SHANK2: variants seen among roughly 807,000 people sequenced by gnomAD.
SHANK2 encodes SH3 and multiple ankyrin repeat domains 2, also known as SH3 and multiple ankyrin repeat domains protein 2.
SHANK2 carries 43 observed loss-of-function variants against 133.7 expected under a neutral mutation model. The ratio of observed to expected loss-of-function variants is 0.32; its 90% CI spans 0.25 to 0.41. The LOEUF is 0.41. Among genes scored for constraint, SHANK2 ranks in the 10% least tolerant of loss-of-function variants. SHANK2 has a pLI of 1.00. For synonymous variants in SHANK2, 1,017 were observed against 952.8 expected (o/e 1.07, Z -1.24); for missense variants, 1,994 against 2,235.8 (o/e 0.89, Z 2.18).
At chr11:70,922,154 T>C (rs1950361147) in intron 10 of SHANK2, among the ~76,000 whole-genome samples, 1 of 152,144 alleles carries the variant, frequency 6.6e-6, no homozygotes, top group Non-Finnish European at 1.5e-5. Context: ...ACCTCAAAGG[T>C]AGGCTTAAGA....
chr11:70,609,286 G>A (rs1322452829), intron 17 of SHANK2, among the ~76,000 whole-genome samples: 6 of 152,238 alleles, frequency 3.9e-5, no homozygotes, highest in Admixed American at 1.3e-4. Context: ...GAAAGAGGAA[G>A]AATCCGAGGA....
At chr11:70,888,280 G>A (rs1162879916) in intron 11 of SHANK2, among the ~76,000 whole-genome samples, 4 of 152,128 alleles carry the variant, frequency 2.6e-5, no homozygotes, top group African/African-American at 9.7e-5. Flanking sequence ...ATCTAAAGCA[G>A]AAATCCAGAA....
chr11:71,218,261 C>CTTTT (rs71049964), intron 2 of SHANK2, among the ~76,000 whole-genome samples: 11 of 72,472 alleles, frequency 1.5e-4, no homozygotes, highest in South Asian at 5.1e-4. Context: ...TTTTCTTTTT[C>CTTTT]TTTTTTTTTT....
chr11:70,656,788 A>G (rs2061411299), intron 17 of SHANK2, among the ~76,000 whole-genome samples: 1 of 152,210 alleles, frequency 6.6e-6, no homozygotes, highest in Non-Finnish European at 1.5e-5. Flanking sequence ...GAGATAGCTC[A>G]AAGCCTTTGA....
chr11:71,168,560 C>T (rs994033490), intron 2 of SHANK2, among the ~76,000 whole-genome samples: 3 of 152,108 alleles, frequency 2.0e-5, no homozygotes, highest in African/African-American at 4.8e-5. Context: ...AACGAGACTC[C>T]GTCTGCAATC....
At chr11:70,855,143 G>C (rs1949150077) in intron 11 of SHANK2, among the ~76,000 whole-genome samples, 1 of 152,216 alleles carries the variant, frequency 6.6e-6, no homozygotes, top group Non-Finnish European at 1.5e-5. Context: ...AGCAGGCTCG[G>C]CTGCCCCTCA....
At chr11:70,775,127 C>G (rs1555043650) in intron 14 of SHANK2, among the ~76,000 whole-genome samples, 1 of 151,890 alleles carries the variant, frequency 6.6e-6, no homozygotes, top group African/African-American at 2.4e-5. Context: ...CCACCGCACT[C>G]CAGTCTGGGC....
At chr11:70,513,946 C>T (rs1481790201) in intron 17 of SHANK2, among the ~76,000 whole-genome samples, 1 of 151,888 alleles carries the variant, frequency 6.6e-6, no homozygotes, top group Admixed American at 6.6e-5. Context: ...GAAAATGAGT[C>T]ATAAAAAATA....
intron 1 of SHANK2, among the ~76,000 whole-genome samples, chr11:71,231,749 C>T (rs1335720231): frequency 6.6e-6 from 1 of 152,056 alleles, no homozygotes; most frequent in Non-Finnish European, 1.5e-5. Context: ...ATTAGCTGGG[C>T]ATGGTGGCAT....
chr11:70,517,147 C>A (rs1428249085), intron 17 of SHANK2, among the ~76,000 whole-genome samples: 2 of 152,162 alleles, frequency 1.3e-5, no homozygotes, highest in Non-Finnish European at 2.9e-5. Flanking sequence ...GTGGAATTAG[C>A]AAATCAAGCC....
At chr11:70,912,031 G>C (rs1218463181) in intron 10 of SHANK2, among the ~76,000 whole-genome samples, 1 of 133,332 alleles carries the variant, frequency 7.5e-6, no homozygotes, top group African/African-American at 2.7e-5. Flanking sequence ...GCAGAGAGCT[G>C]AGATTGGACC....
intron 14 of SHANK2, among the ~76,000 whole-genome samples, chr11:70,757,089 T>C (rs1946892347): frequency 6.6e-6 from 1 of 152,230 alleles, no homozygotes; most frequent in African/African-American, 2.4e-5. Flanking sequence ...TTAATAAATG[T>C]GACTATTCTT....
At chr11:70,634,162 G>C (rs2061038833) in intron 17 of SHANK2, 1 of 152,064 alleles carries the variant, frequency 6.6e-6, no homozygotes, top group Non-Finnish European at 1.5e-5. Context: ...TAATGGAGGG[G>C]TTTCAGATTC....
chr11:70,745,568 G>A (rs1946621510), intron 14 of SHANK2, among the ~76,000 whole-genome samples: 2 of 152,316 alleles, frequency 1.3e-5, no homozygotes, highest in South Asian at 2.1e-4. Flanking sequence ...GGAGTGTCCT[G>A]CCCTGCGCTG....
At position 70,560,756 on chromosome 11, in the gene SHANK2, T is replaced by C. The variant is rs140928569; in HGVS notation, c.2062-57825A>G. On this transcript the variant is annotated intron_variant, in intron 17 of 25. Transcript: ENST00000601538. Reference sequence around the variant, plus strand: ...AAGCGATTCTCCTGCCTCAGCCTCCTGAGCAGATGGGATTACAGGCACCCA... The same window carrying C: ...AAGCGATTCTCCTGCCTCAGCCTCCCGAGCAGATGGGATTACAGGCACCCA... Among the ~76,000 whole-genome samples the C allele has an allele frequency of 3.6e-4, 54 of 151,906 alleles. No homozygotes were observed. In the East Asian group the frequency reaches 0.01, roughly 29 times the overall value.
At chr11:70,913,414 A>C (rs565941986) in intron 10 of SHANK2, among the ~76,000 whole-genome samples, 1 of 152,278 alleles carries the variant, frequency 6.6e-6, no homozygotes, top group African/African-American at 2.4e-5. Context: ...TTCCTCCGGG[A>C]ACAAAAAAAA....
chr11:70,589,791 G>A lies in SHANK2; in HGVS notation c.2061+70037C>T, dbSNP rs142436580. On this transcript the variant is annotated intron_variant, in intron 17 of 25. Coordinates refer to ENST00000601538, the MANE Select transcript of SHANK2 (RefSeq NM_012309.5). ...GAAGAAGTTGATCCCATCCCTCATG[G>A]ATGGCTTTGAGGGGTGCAGGGGAAG... 3.6e-3 allele frequency among the ~76,000 whole-genome samples: 542 copies of A among 152,294 alleles called. 3 individuals are homozygous for A. The highest frequency in any genetic ancestry group is 0.013 in the African/African-American group (525 of 41,558).
intron 9 of SHANK2, among the ~76,000 whole-genome samples, chr11:71,062,303 A>T (rs1453636982): frequency 3.3e-5 from 5 of 152,122 alleles, no homozygotes; most frequent in Admixed American, 2.0e-4. Flanking sequence ...GGTGAGCAAA[A>T]AGTTTGTTTT....
At chr11:70,550,171 C>A (rs2059747066) in intron 17 of SHANK2, among the ~76,000 whole-genome samples, 2 of 152,214 alleles carry the variant, frequency 1.3e-5, no homozygotes, top group Non-Finnish European at 2.9e-5. Flanking sequence ...AACCCACCCC[C>A]TCTATGCCCA....
Sources: allele counts gnomAD v4.1 joint callset (sites outside exome capture counted in the v4.1 genomes callset), GRCh38; gene constraint gnomAD v4.1.1; transcripts MANE v1.5; gene names NCBI Gene and HGNC (gene_info 2026-07-23, HGNC 2026-07-21).